MANBA: variants seen among roughly 807,000 people sequenced by gnomAD.
MANBA encodes the protein beta-mannosidase.
MANBA carries 83 observed loss-of-function variants against 111.1 expected under a neutral mutation model. The observed-to-expected ratio is 0.75, with a 90% CI of 0.63 to 0.90. The LOEUF (loss-of-function observed/expected upper bound fraction) is 0.90, where lower values mean the gene tolerates loss of function less well. Ranked by LOEUF, MANBA falls within the 40% of genes least tolerant of loss-of-function variation. The pLI is 0.00. For missense variants in MANBA, 1,036 were observed against 1,069.0 expected, an observed-to-expected ratio of 0.97 and a Z score of 0.43; for synonymous variants, 370 against 378.7, an observed-to-expected ratio of 0.98 and a Z score of 0.27.
At chr4:102,740,303 A>G (rs1159378552) in intron 1 of MANBA, among the ~76,000 whole-genome samples, 1 of 152,240 alleles carries the variant, frequency 6.6e-6, no homozygotes, top group Non-Finnish European at 1.5e-5. Context: ...AGATAACACT[A>G]ACAAATGGAA....
At chr4:102,734,353 G>A (rs1292180211) in intron 1 of MANBA, 4 of 1,606,840 alleles carry the variant, frequency 2.5e-6, no homozygotes, top group Non-Finnish European at 3.4e-6. Flanking sequence ...CAAGCGACTT[G>A]GGCCATGGCC....
At chr4:102,671,499 T>C (rs1731497877) in intron 8 of MANBA, 101 bp from the exon 9 acceptor site, 1 of 734,024 alleles carries the variant, frequency 1.4e-6, no homozygotes, top group Non-Finnish European at 2.4e-6. Context: ...CACTCTAAAA[T>C]CATGATGGTT....
intron 1 of MANBA, among the ~76,000 whole-genome samples, chr4:102,740,950 G>C (rs972852191): frequency 6.6e-6 from 1 of 151,934 alleles, no homozygotes; most frequent in African/African-American, 2.4e-5. Flanking sequence ...AAATAGATGG[G>C]ACCTAACTAA....
At chr4:102,723,829 A>T (rs767375211) in intron 3 of MANBA, 33 bp downstream of exon 3, 89 of 1,265,988 alleles carry the variant, frequency 7.0e-5, no homozygotes, top group Middle Eastern at 1.9e-4. Flanking sequence ...ACACACATAA[A>T]TTTTTTTTAA....
intron 5 of MANBA, among the ~76,000 whole-genome samples, chr4:102,693,668 T>C (rs1293720009): frequency 6.6e-6 from 1 of 152,194 alleles, no homozygotes; most frequent in Non-Finnish European, 1.5e-5. Context: ...CATGCTCATT[T>C]GTTTACTTAT....
At chr4:102,692,735 G>A (rs1732539286) in intron 5 of MANBA, among the ~76,000 whole-genome samples, 1 of 152,028 alleles carries the variant, frequency 6.6e-6, no homozygotes, top group Admixed American at 6.6e-5. Context: ...TATGGAGGGA[G>A]TTCCTATTTA....
intron 1 of MANBA, among the ~76,000 whole-genome samples, chr4:102,741,810 T>C (rs1357089162): frequency 6.6e-6 from 1 of 152,152 alleles, no homozygotes; most frequent in Non-Finnish European, 1.5e-5. Flanking sequence ...AGACTACACA[T>C]TGGGTGCACT....
chr4:102,759,566 GA>G (rs33991375), intron 1 of MANBA, among the ~76,000 whole-genome samples: 83,704 of 138,696 alleles, frequency 0.6, 25,052 homozygotes, highest in African/African-American at 0.77. Flanking sequence ...CACATCTCAG[GA>G]AAAAAAAAAA....
chr4:102,637,713 C>A (rs1729692337), intron 14 of MANBA, among the ~76,000 whole-genome samples: 1 of 152,182 alleles, frequency 6.6e-6, no homozygotes, highest in Non-Finnish European at 1.5e-5. Flanking sequence ...GCACTCAGGA[C>A]CCTTCCAGAC....
chr4:102,635,190 A>G, intron 15 of MANBA, 145 bp from the exon 16 acceptor site: 1 of 797,474 alleles, frequency 1.3e-6, no homozygotes, highest in South Asian at 1.6e-5. Context: ...AGTCCTGCAA[A>G]ATACTAGCTA....
intron 5 of MANBA, among the ~76,000 whole-genome samples, chr4:102,705,925 T>C (rs1578921982): frequency 6.6e-6 from 1 of 152,226 alleles, no homozygotes; most frequent in Non-Finnish European, 1.5e-5. Flanking sequence ...TCTGCCTGCA[T>C]GTGCCACCTA....
intron 7 of MANBA, among the ~76,000 whole-genome samples, chr4:102,686,352 T>C (rs1441336919): frequency 6.6e-6 from 1 of 152,232 alleles, no homozygotes; most frequent in Non-Finnish European, 1.5e-5. Context: ...CCTTTCTCCA[T>C]TCATGAAAAG....
chr4:102,698,391 T>C (rs551637398), intron 5 of MANBA, among the ~76,000 whole-genome samples: 42 of 150,812 alleles, frequency 2.8e-4, no homozygotes, highest in Middle Eastern at 3.4e-3. Flanking sequence ...TTGGCTTTTG[T>C]TGCCATTGCT....
intron 1 of MANBA, chr4:102,751,254 C>A (rs771719131): frequency 1.0e-5 from 3 of 288,832 alleles, no homozygotes; most frequent in Non-Finnish European, 2.1e-5. Context: ...GTGGAGCAGA[C>A]CCAAGGAGGA....
intron 12 of MANBA, among the ~76,000 whole-genome samples, chr4:102,652,997 C>T (rs552595662): frequency 6.6e-6 from 1 of 152,216 alleles, no homozygotes; most frequent in East Asian, 1.9e-4. Flanking sequence ...CTTCAGTATC[C>T]AAATCTAATG....
chr4:102,722,429 C>T (rs552239690), intron 4 of MANBA: 65 of 190,978 alleles, frequency 3.4e-4, no homozygotes, highest in African/African-American at 1.1e-3. Flanking sequence ...CTTTTGTGGA[C>T]TTTGTTATCT....
intron 1 of MANBA, among the ~76,000 whole-genome samples, chr4:102,755,459 C>G (rs965518372): frequency 4.6e-5 from 7 of 152,120 alleles, no homozygotes; most frequent in African/African-American, 1.7e-4. Flanking sequence ...ATACCTTATA[C>G]AAAAATTAAT....
chr4:102,690,080 T>G (rs1732406320), intron 6 of MANBA, among the ~76,000 whole-genome samples: 1 of 152,164 alleles, frequency 6.6e-6, no homozygotes. Context: ...AGCTACTGAA[T>G]GTTATTTTGC....
intron 13 of MANBA, among the ~76,000 whole-genome samples, chr4:102,646,013 C>G (rs1730087063): frequency 6.6e-6 from 1 of 152,068 alleles, no homozygotes; most frequent in Non-Finnish European, 1.5e-5. Context: ...ATTCATTGCC[C>G]TGAGTCCTTA....
Sources: gnomAD v4.1 joint callset for allele counts (sites outside exome capture counted in the v4.1 genomes callset) on GRCh38, gnomAD v4.1.1 for gene constraint, MANE v1.5 for transcripts, NCBI Gene and HGNC (gene_info 2026-07-23, HGNC 2026-07-21) for gene names.